GPRIN1: variants seen among roughly 807,000 people sequenced by gnomAD.
The protein encoded by GPRIN1 is G protein-regulated inducer of neurite outgrowth 1.
GPRIN1 carries 4 observed loss-of-function variants against 2.8 expected under a neutral mutation model. The ratio of observed to expected loss-of-function variants is 1.45; its 90% confidence interval spans 0.71 to 3.32. The LOEUF is 3.32. GPRIN1 is among the 30% of genes most tolerant of loss of function. The pLI is 0.01. For synonymous variants in GPRIN1, 589 were observed against 589.9 expected (o/e 1.00, Z 0.02); for missense variants, 1,322 against 1,343.4 (o/e 0.98, Z 0.25).
chr5:176,598,131 G>C lies in GPRIN1; in HGVS notation c.1704C>G (p.Asp568Glu). 1 of 1,612,932 alleles carries C rather than the reference G, an allele frequency of 6.2e-7. No homozygotes were observed. The highest frequency in any genetic ancestry group is 8.5e-7 in the Non-Finnish European group (1 of 1,179,992). ...AGACCACTTTACCTATAGACACAGA[G>C]TCCCCTTGTCCAGAGGGGCCAGCGT... ...KADAGPSGQGDSVSIGKVVST... is the reference protein window; with the variant it reads ...KADAGPSGQGESVSIGKVVST... Residue 568 changes from aspartate to glutamate, a missense_variant, in exon 2 of 2, where the codon GAC becomes GAG. Transcript: ENST00000303991.
intron 1 of GPRIN1, among the ~76,000 whole-genome samples, chr5:176,608,423 T>G (rs991911860): frequency 6.6e-6 from 1 of 152,222 alleles, no homozygotes; most frequent in African/African-American, 2.4e-5. Context: ...GTGGCCTGAC[T>G]GAGGCAGAAG....
chr5:176,596,974 GC>G lies in GPRIN1; in HGVS notation c.2860del (p.Ala954ArgfsTer131). ...ACGGGCGGCGGGCGGCGGCGCGGGC[GC>G]CCCTTGGCGGCCGTGCTCCTCGATC... is the stretch of plus-strand genomic sequence containing the variant. The part of the protein sequence containing the change: ...RQIEEHGRQG[A>X]PAPPPAARAG... On this transcript the variant is annotated frameshift_variant, in exon 2 of 2. Coordinates refer to ENST00000303991, the MANE Select transcript of GPRIN1 (RefSeq NM_052899.3). LOFTEE classifies it high-confidence loss of function. This position sits in a 1 kb window ranked among gnomAD's most constrained non-coding sequence, Gnocchi z 5.2. The G allele has an allele frequency of 7.3e-7, 1 of 1,360,562 alleles. No homozygotes were observed. 84.3% of individuals were successfully genotyped at this position (1,360,562 alleles called of 1,614,324 possible). A position where few individuals can be genotyped will look rare whatever the true frequency, so the allele number is the denominator to read the frequency against.
Position 176,598,699 on chromosome 5 carries a change from G to T in GPRIN1, c.1136C>A (p.Pro379His), listed in dbSNP as rs144341237. The T allele has an allele frequency of 2.8e-4, 448 of 1,613,996 alleles. No individual in the cohort carries two copies. The highest frequency in any genetic ancestry group is 3.7e-4 in the Non-Finnish European group (433 of 1,180,048). Residue 379 changes from proline (P) to histidine (H), a missense_variant, in exon 2 of 2, where the codon CCT (proline) becomes CAT (histidine). By Grantham distance (77) the Pro-to-His change is moderately conservative. This residue lies in a region of GPRIN1 where 1,117 missense variants were observed against 1,128.6 expected (regional missense o/e 0.99). Transcript: ENST00000303991. ...EDSRFLGKMD[P>H]ASSGEGRPVS... ...AGGACGCCCCTCTCCTGAGGAGGCA[G>T]GGTCCATCTTTCCCAGGAACCGGGA...
At chr5:176,607,303 C>T (rs1360065653) in intron 1 of GPRIN1, among the ~76,000 whole-genome samples, 1 of 152,174 alleles carries the variant, frequency 6.6e-6, no homozygotes, top group East Asian at 1.9e-4. Flanking sequence ...CCCGCAACTA[C>T]CCCACTAGAA....
intron 1 of GPRIN1, among the ~76,000 whole-genome samples, chr5:176,608,656 C>T (rs1759262241): frequency 6.6e-6 from 1 of 152,216 alleles, no homozygotes; most frequent in Admixed American, 6.5e-5. Flanking sequence ...GGGTATCTCA[C>T]TCCTAGGAGA....
intron 1 of GPRIN1, among the ~76,000 whole-genome samples, chr5:176,601,464 G>A (rs1467747657): frequency 6.6e-6 from 1 of 152,224 alleles, no homozygotes; most frequent in Non-Finnish European, 1.5e-5. Flanking sequence ...AAACTGACAG[G>A]TACCAACAGG....
intron 1 of GPRIN1, among the ~76,000 whole-genome samples, chr5:176,601,473 G>A (rs1199953958): frequency 6.6e-6 from 1 of 152,210 alleles, no homozygotes; most frequent in East Asian, 1.9e-4. Context: ...GGTACCAACA[G>A]GCTGTACTGG....
At chr5:176,605,689 G>A (rs768469830) in intron 1 of GPRIN1, among the ~76,000 whole-genome samples, 6 of 152,110 alleles carry the variant, frequency 3.9e-5, no homozygotes, top group Non-Finnish European at 8.8e-5. Flanking sequence ...GCCAGGTGTG[G>A]TGGCATGTAC....
chr5:176,597,562 G>T lies in GPRIN1; in HGVS notation c.2273C>A (p.Thr758Asn). Reference sequence around the variant, plus strand: ...TTTCTGGCCGAGACTGGAGGCCTCGGTGCTGGACACGGGCTCGGCCTTCGG... The same window carrying T: ...TTTCTGGCCGAGACTGGAGGCCTCGTTGCTGGACACGGGCTCGGCCTTCGG... Reference protein sequence around the residue: ...VEPKAEPVSSTEASSLGQKDL... With the variant: ...VEPKAEPVSSNEASSLGQKDL... Residue 758 changes from threonine to asparagine, a missense_variant, in exon 2 of 2, where the codon ACC becomes AAC. Physicochemically the swap from Thr to Asn is moderately conservative, Grantham distance 65. Coordinates refer to ENST00000303991, the MANE Select transcript of GPRIN1 (RefSeq NM_052899.3). This position sits in a 1 kb window ranked among gnomAD's most constrained non-coding sequence, Gnocchi z 6.1. The T allele has an allele frequency of 6.3e-7, 1 of 1,579,818 alleles. No individual in the cohort carries two copies. The highest frequency in any genetic ancestry group is 8.5e-7 in the Non-Finnish European group (1 of 1,169,800).
At chr5:176,606,268 G>A (rs938590115) in intron 1 of GPRIN1, among the ~76,000 whole-genome samples, 1 of 152,176 alleles carries the variant, frequency 6.6e-6, no homozygotes, top group Non-Finnish European at 1.5e-5. Context: ...TGGAAGGCCT[G>A]TTTTTATCTG....
chr5:176,596,931 C>G lies in GPRIN1; in HGVS notation c.2904G>C (p.Ser968=). ...PPAARAGPGR[S]GSVRTAPPDG... is the part of the protein sequence containing the mutation. ...CTGGGGGCGCGGTGCGCACCGAGCC[C>G]GAACGGCCGGGGCCGGCACGGGCGG... Residue 968 remains serine, a synonymous_variant, in exon 2 of 2, where the codon TCG becomes TCC. Coordinates refer to ENST00000303991, the MANE Select transcript of GPRIN1 (RefSeq NM_052899.3). This position sits in a 1 kb window ranked among gnomAD's most constrained non-coding sequence, Gnocchi z 5.2. 1 of 1,221,574 alleles carries G rather than the reference C, an allele frequency of 8.2e-7. No individual in the cohort carries two copies. The highest frequency in any genetic ancestry group is 1.0e-6 in the Non-Finnish European group (1 of 982,648). 75.7% of individuals were successfully genotyped at this position (1,221,574 alleles called of 1,614,324 possible).
intron 1 of GPRIN1, among the ~76,000 whole-genome samples, chr5:176,606,694 G>A (rs1351716081): frequency 2.0e-5 from 3 of 152,026 alleles, no homozygotes; most frequent in African/African-American, 7.3e-5. Flanking sequence ...TCTCACAGCC[G>A]GCCCTTCATG....
At position 176,597,755 on chromosome 5, in the gene GPRIN1, C is replaced by T. The variant is rs1487920113; in HGVS notation, c.2080G>A (p.Ala694Thr). 1.2e-6 allele frequency: 2 copies of T among 1,604,306 alleles called. No homozygotes were observed. The highest frequency in any genetic ancestry group is 1.7e-6 in the Non-Finnish European group (2 of 1,175,302). The change falls in exon 2 of 2, where the codon GCC (alanine) becomes ACC (threonine). Residue 694 changes from alanine (A) to threonine (T), a missense_variant. Transcript: ENST00000303991. The surrounding 1 kb of genome is among the most constrained non-coding windows in gnomAD (Gnocchi z 6.1). Reference protein sequence around the residue: ...GKGEPVSLGKADSAPSRKTES... With the variant: ...GKGEPVSLGKTDSAPSRKTES... Reference sequence around the variant, plus strand: ...GTTTTTCTGGAAGGTGCAGAGTCGGCTTTCCCCAGGGACACAGGCTCTCCC... The same window carrying T: ...GTTTTTCTGGAAGGTGCAGAGTCGGTTTTCCCCAGGGACACAGGCTCTCCC...
Position 176,597,485 on chromosome 5 carries a change from G to A in GPRIN1, c.2350C>T (p.Pro784Ser), listed in dbSNP as rs1366128593. The stretch of plus-strand genomic sequence containing the variant: ...TCGCGAGTCCGCGGCCCCGGCGGGG[G>A]CGCTGCGGCCTCTGGGCAGGGGCTT... ...ERSPCPEAAA[P>S]PPGPRTRDNF... is the part of the protein sequence containing the mutation. Residue 784 changes from proline to serine, a missense_variant, in exon 2 of 2, where the codon CCC (proline) becomes TCC (serine). Transcript: ENST00000303991. The surrounding 1 kb of genome is among the most constrained non-coding windows in gnomAD (Gnocchi z 6.1). 7 of 1,348,370 alleles carry A rather than the reference G, an allele frequency of 5.2e-6. No homozygotes were observed. In the East Asian group the frequency reaches 1.8e-4, roughly 35 times the overall value. 83.5% of individuals were successfully genotyped at this position (1,348,370 alleles called of 1,614,324 possible).
rs555983422 is a variant in GPRIN1 at position 176,602,121 on chromosome 5, C to G, written c.-43-2244G>C. On this transcript the variant is annotated intron_variant, in intron 1 of 1. Transcript: ENST00000303991. This position sits in a 1 kb window ranked among gnomAD's most constrained non-coding sequence, Gnocchi z 4.4. ...GCTGCTTCAGCCACGCGGGGTGCCT[C>G]GCTGTGCGCCTTGCTGTGCCTTGAA... Among the ~76,000 whole-genome samples, 5 of 152,330 alleles carry G rather than the reference C, an allele frequency of 3.3e-5. No homozygotes were observed. The highest frequency in any genetic ancestry group is 6.5e-5 in the Admixed American group (1 of 15,306).
rs1436410770 is a variant in GPRIN1 at position 176,596,488 on chromosome 5, T to G, written c.*320A>C. On this transcript the variant is annotated 3_prime_UTR_variant, in exon 2 of 2. Transcript: ENST00000303991. The surrounding 1 kb of genome is among the most constrained non-coding windows in gnomAD (Gnocchi z 5.2). ...ACATCTCAGGAGCCTGCCCCAGCTCTCAGGGGGTGGGAGGTGAGGGTGCTG... is the reference window on the plus strand; with the variant it reads ...ACATCTCAGGAGCCTGCCCCAGCTCGCAGGGGGTGGGAGGTGAGGGTGCTG... 5.6e-6 allele frequency: 1 copy of G among 178,124 alleles called. No individual in the cohort carries two copies. Among genetic ancestry groups the G allele is most frequent in the Admixed American group, 6.3e-5 (1 of 15,940 alleles). 11.0% of individuals were successfully genotyped at this position (178,124 alleles called of 1,614,324 possible). A position where few individuals can be genotyped will look rare whatever the true frequency, so the allele number is the denominator to read the frequency against.
rs1480773559 is a variant in GPRIN1, at chr5:176,597,439, G to A, written c.2396C>T (p.Ser799Leu). 1.5e-6 allele frequency: 2 copies of A among 1,303,964 alleles called. No individual in the cohort carries two copies. The highest frequency in any genetic ancestry group is 1.9e-6 in the Non-Finnish European group (2 of 1,030,796). The allele number at this position is 1,303,964 out of a possible 1,614,324, so 80.8% of individuals were successfully genotyped here. A position where few individuals can be genotyped will look rare whatever the true frequency, so the allele number is the denominator to read the frequency against. The change falls in exon 2 of 2, where the codon TCG becomes TTG. Residue 799 changes from serine to leucine, a missense_variant. By Grantham distance (145) the Ser-to-Leu change is moderately radical. Coordinates refer to ENST00000303991, the MANE Select transcript of GPRIN1 (RefSeq NM_052899.3). The surrounding 1 kb of genome is among the most constrained non-coding windows in gnomAD (Gnocchi z 6.1). ...CGGCGGCGGGGCGCTCGCCTCCCAC[G>A]ACGGCGCCTTGGTGAAGTTGTCGCG... The part of the protein sequence containing the change: ...RTRDNFTKAP[S>L]WEASAPPPPR...
intron 1 of GPRIN1, among the ~76,000 whole-genome samples, chr5:176,606,226 ACT>A (rs1240889005): frequency 4.0e-5 from 6 of 151,788 alleles, no homozygotes; most frequent in South Asian, 4.2e-4. Context: ...GGTGTGCCTG[ACT>A]CTGCTCACTT....
chr5:176,609,790 C>T (rs1759284094), intron 1 of GPRIN1, among the ~76,000 whole-genome samples: 1 of 149,940 alleles, frequency 6.7e-6, no homozygotes, highest in Admixed American at 6.6e-5. Context: ...CCCGCCCCGC[C>T]CCGCCCCGCC....
Sources: allele counts gnomAD v4.1 joint callset (sites outside exome capture counted in the v4.1 genomes callset), GRCh38; gene constraint gnomAD v4.1.1; regional missense constraint gnomAD v4.1.1; non-coding constraint Gnocchi (gnomAD v3.1); transcripts MANE v1.5; gene names NCBI Gene and HGNC (gene_info 2026-07-23, HGNC 2026-07-21).